GRM8: variants seen among roughly 807,000 people sequenced by gnomAD.
The protein encoded by GRM8 is metabotropic glutamate receptor 8.
A neutral mutation model predicts 87.2 loss-of-function variants in GRM8; 47 were observed. That is an observed-to-expected ratio of 0.54 (90% CI 0.43 to 0.69). The LOEUF is 0.69. Among genes scored for constraint, GRM8 ranks in the 30% least tolerant of loss-of-function variants. The probability of loss-of-function intolerance (pLI) is 0.00; values close to 1 mark genes in which losing one functional copy is unlikely to be tolerated. For synonymous variants in GRM8, 396 were observed against 404.5 expected, an observed-to-expected ratio of 0.98 and a Z score of 0.25; for missense variants, 1,019 against 1,139.2, an observed-to-expected ratio of 0.89 and a Z score of 1.52.
At chr7:127,247,185 A>G (rs959743613) in intron 1 of GRM8, among the ~76,000 whole-genome samples, 8 of 152,220 alleles carry the variant, frequency 5.3e-5, no homozygotes, top group African/African-American at 1.9e-4. Context: ...AGAAGATCCA[A>G]TGCGGTTTGT....
intron 9 of GRM8, among the ~76,000 whole-genome samples, chr7:126,466,923 A>T (rs915697516): frequency 3.9e-5 from 6 of 152,012 alleles, no homozygotes; most frequent in Admixed American, 3.9e-4. Context: ...CAAAAAACTT[A>T]ATCCTCAGGA....
At chr7:126,916,745 T>C (rs1480927439) in intron 3 of GRM8, among the ~76,000 whole-genome samples, 1 of 152,238 alleles carries the variant, frequency 6.6e-6, no homozygotes, top group Non-Finnish European at 1.5e-5. Flanking sequence ...AGGTCATTAT[T>C]ATTTTAGCCA....
chr7:126,519,530 T>C (rs764571588), intron 9 of GRM8, among the ~76,000 whole-genome samples: 5 of 152,062 alleles, frequency 3.3e-5, no homozygotes, highest in Admixed American at 6.6e-5. Context: ...AAAAAGTCTC[T>C]TCTACAGAAT....
chr7:127,032,496 C>T (rs182723667), intron 3 of GRM8, among the ~76,000 whole-genome samples: 2 of 152,262 alleles, frequency 1.3e-5, no homozygotes, highest in African/African-American at 4.8e-5. Context: ...CCAAAGAAGA[C>T]TATTCCAACC....
At chr7:126,887,029 A>G (rs1299319757) in intron 6 of GRM8, among the ~76,000 whole-genome samples, 2 of 152,150 alleles carry the variant, frequency 1.3e-5, no homozygotes, top group Non-Finnish European at 2.9e-5. Context: ...GATAAGGGCC[A>G]GGTGGACTAA....
chr7:126,946,319 T>C (rs17869871), intron 3 of GRM8, among the ~76,000 whole-genome samples: 5 of 151,998 alleles, frequency 3.3e-5, no homozygotes, highest in Non-Finnish European at 5.9e-5. Context: ...TTGAGCAACA[T>C]AGTGAGACCC....
rs71177572 is a variant in GRM8, at chr7:126,869,933, TAAAAAAAAAAAAAAA to T, written c.1156+32594_1156+32608del. The T allele has an allele frequency of 7.8e-5, 6 of 77,260 alleles. No individual in the cohort carries two copies. In the East Asian group the frequency reaches 1.7e-3, roughly 22 times the overall value. The allele number at this position is 77,260 out of a possible 1,614,324, so 4.8% of individuals were successfully genotyped here. ...CAGGTATTGACTTTTCCTCATAGATTAAAAAAAAAAAAAAAAAAAAAAAAAAAAGTCCTAGATGGA... is the reference window on the plus strand; with the variant it reads ...CAGGTATTGACTTTTCCTCATAGATTAAAAAAAAAAAAAGTCCTAGATGGA... On this transcript the variant is annotated intron_variant, in intron 6 of 10. Coordinates refer to ENST00000339582, the MANE Select transcript of GRM8 (RefSeq NM_000845.3).
chr7:126,643,779 AC>A (rs1802733338), intron 7 of GRM8, among the ~76,000 whole-genome samples: 1 of 152,250 alleles, frequency 6.6e-6, no homozygotes, highest in Admixed American at 6.5e-5. Context: ...GGAAATGCCA[AC>A]AAAACCTGGT....
chr7:126,831,121 G>T (rs1484066135), intron 6 of GRM8, among the ~76,000 whole-genome samples: 1 of 152,194 alleles, frequency 6.6e-6, no homozygotes, highest in African/African-American at 2.4e-5. Context: ...CTACTGGGGG[G>T]TGCCTCCCAG....
intron 6 of GRM8, among the ~76,000 whole-genome samples, chr7:126,797,221 T>C (rs1489668341): frequency 1.3e-5 from 2 of 152,126 alleles, no homozygotes; most frequent in Admixed American, 6.5e-5. Flanking sequence ...TCTGTCAATA[T>C]AAAGGTTACA....
intron 2 of GRM8, among the ~76,000 whole-genome samples, chr7:127,155,079 T>C (rs543793663): frequency 6.6e-6 from 1 of 152,160 alleles, no homozygotes; most frequent in African/African-American, 2.4e-5. Context: ...ATTGTAAGAA[T>C]TGGTACAGAC....
At chr7:126,949,256 T>C in intron 3 of GRM8, among the ~76,000 whole-genome samples, 1 of 152,104 alleles carries the variant, frequency 6.6e-6, no homozygotes, top group Non-Finnish European at 1.5e-5. Flanking sequence ...AAAAGAACTC[T>C]CCTCAATATC....
rs1820588038 is a variant in GRM8, at chr7:126,785,994, T to C, written c.1157-15929A>G. Among the ~76,000 whole-genome samples the C allele has an allele frequency of 3.3e-5, 5 of 152,256 alleles. 1 individual carries two copies. The South Asian group carries it at 1.0e-3, about 32-fold the overall frequency. ...TCCACCACATTTTGACTTTTAATTT[T>C]ACCAGTCTTTTGAGGTTTTCTGGAG... On this transcript the variant is annotated intron_variant, in intron 6 of 10. Transcript: ENST00000339582.
At chr7:127,002,876 C>T (rs1813871701) in intron 3 of GRM8, among the ~76,000 whole-genome samples, 2 of 151,686 alleles carry the variant, frequency 1.3e-5, no homozygotes, top group Admixed American at 6.6e-5. Flanking sequence ...TTACAGGCAA[C>T]TTCTAATACT....
chr7:126,564,768 A>G (rs1019239735), intron 8 of GRM8, among the ~76,000 whole-genome samples: 2 of 152,152 alleles, frequency 1.3e-5, no homozygotes, highest in South Asian at 2.1e-4. Context: ...GCCAAATACA[A>G]CAAAGGAAAA....
At chr7:126,951,834 A>G (rs1004359149) in intron 3 of GRM8, among the ~76,000 whole-genome samples, 3 of 152,060 alleles carry the variant, frequency 2.0e-5, no homozygotes, top group Non-Finnish European at 4.4e-5. Context: ...TATAGTACAA[A>G]TGGCTTTAAA....
At chr7:127,244,445 TA>T (rs1798477720) in intron 1 of GRM8, among the ~76,000 whole-genome samples, 1 of 152,074 alleles carries the variant, frequency 6.6e-6, no homozygotes, top group Non-Finnish European at 1.5e-5. Flanking sequence ...CTTAATTCCG[TA>T]AGATTTTTTT....
At chr7:126,650,818 C>A (rs953771204) in intron 7 of GRM8, among the ~76,000 whole-genome samples, 1 of 151,962 alleles carries the variant, frequency 6.6e-6, no homozygotes, top group Non-Finnish European at 1.5e-5. Flanking sequence ...CAGCCACCCC[C>A]GTCATCACCC....
intron 7 of GRM8, among the ~76,000 whole-genome samples, chr7:126,757,015 T>A (rs1817083887): frequency 1.3e-5 from 2 of 152,280 alleles, no homozygotes; most frequent in Admixed American, 1.3e-4. Flanking sequence ...AATTTAAACC[T>A]CATTAATAGA....
Sources: gnomAD v4.1 joint callset for allele counts (sites outside exome capture counted in the v4.1 genomes callset) on GRCh38, gnomAD v4.1.1 for gene constraint, MANE v1.5 for transcripts, NCBI Gene and HGNC (gene_info 2026-07-23, HGNC 2026-07-21) for gene names.